Variants in NME6 observed in about 807,000 individuals in gnomAD.
NME6 encodes the protein NME/NM23 nucleoside diphosphate kinase 6, also known as nucleoside diphosphate kinase 6, mitochondrial.
A neutral mutation model predicts 22.2 loss-of-function variants in NME6; 16 were observed. That is an observed-to-expected ratio of 0.72 (90% CI 0.49 to 1.09). The LOEUF is 1.09. NME6 is among the 50% of genes least tolerant of loss of function. NME6 has a pLI of 0.00. For missense variants in NME6, 229 were observed against 239.0 expected (o/e 0.96, Z 0.28); for synonymous variants, 58 against 85.2 (o/e 0.68, Z 1.76).
chr3:48,301,036 G>C (rs2035641135), intron 1 of NME6, among the ~76,000 whole-genome samples: 1 of 152,016 alleles, frequency 6.6e-6, no homozygotes, highest in Admixed American at 6.5e-5. Flanking sequence ...GACAGAACCA[G>C]ACTCCGTCTC....
At chr3:48,287,878 GT>G (rs2034253934), downstream of NME6, among the ~76,000 whole-genome samples, 1 of 152,146 alleles carries the variant, frequency 6.6e-6, no homozygotes, top group African/African-American at 2.4e-5. Context: ...GGCTGTTTTT[GT>G]TACTTTCCTG....
At chr3:48,288,036 T>C (rs554394636), downstream of NME6, among the ~76,000 whole-genome samples, 1 of 152,240 alleles carries the variant, frequency 6.6e-6, no homozygotes, top group Admixed American at 6.5e-5. Context: ...GACAGGGATG[T>C]AGAAGGGACT....
chr3:48,295,624 CT>C, intron 4 of NME6: 1 of 242,652 alleles, frequency 4.1e-6, no homozygotes, highest in East Asian at 1.0e-4. Flanking sequence ...TCACTGCAAC[CT>C]CTGCTTCCTG....
chr3:48,297,555 C>G (rs2035245989), intron 2 of NME6: 1 of 152,270 alleles, frequency 6.6e-6, no homozygotes, highest in Non-Finnish European at 1.5e-5. Flanking sequence ...GAAAATGACC[C>G]CGAGCCCCAC....
chr3:48,291,270 T>C, downstream of NME6: 1 of 400,460 alleles, frequency 2.5e-6, no homozygotes, highest in Admixed American at 3.3e-5. Context: ...TGCTGGGATA[T>C]TTCTTTTCTT....
chr3:48,296,888 A>C, intron 2 of NME6, 59 bp from the exon 3 acceptor site: 3 of 1,318,078 alleles, frequency 2.3e-6, no homozygotes, highest in Non-Finnish European at 2.2e-6. Context: ...TGACCAAAAG[A>C]AACCATGAGG....
At position 48,294,723 on chromosome 3, in the gene NME6, G is replaced by A; in HGVS notation, c.475C>T (p.Pro159Ser). Residue 159 changes from proline (P) to serine (S), a missense_variant, in exon 6 of 6, where the codon CCC (proline) becomes TCC (serine). Physicochemically the swap from Pro to Ser is moderately conservative, Grantham distance 74 (BLOSUM62 -1). Coordinates refer to ENST00000442597, the MANE Select transcript of NME6 (RefSeq NM_001308426.2). ...CACACAGGGCCACAGCGCAACTGGGGCTCTTCCTCCTCATACCAGCGCTGT... is the reference window on the plus strand; with the variant it reads ...CACACAGGGCCACAGCGCAACTGGGACTCTTCCTCCTCATACCAGCGCTGT... Reference protein sequence around the residue: ...SEQRWYEEEEPQLRCGPVCYS... With the variant: ...SEQRWYEEEESQLRCGPVCYS... The A allele has an allele frequency of 6.2e-7, 1 of 1,614,138 alleles. No individual in the cohort carries two copies. Among genetic ancestry groups the A allele is most frequent in the Non-Finnish European group, 8.5e-7 (1 of 1,180,018 alleles).
At chr3:48,288,544 G>A (rs767449082), downstream of NME6, 4 of 152,140 alleles carry the variant, frequency 2.6e-5, no homozygotes, top group Non-Finnish European at 5.9e-5. Flanking sequence ...AATGAAATTT[G>A]TTTTCCCTTC....
At chr3:48,295,404 C>T in intron 4 of NME6, 169 bp from the exon 5 acceptor site, 3 of 718,042 alleles carry the variant, frequency 4.2e-6, no homozygotes, top group Admixed American at 2.9e-5. Context: ...TGCTGGTGTA[C>T]ATCAAGCCTG....
Position 48,296,129 on chromosome 3 carries a change from ACTC to A in NME6, c.220_222del (p.Glu74del). ...CCAAATTTGAAGTACCTGGCCATGAACTCCACCAGCCTCTGATAGAAAAAACGC... is the reference window on the plus strand; with the variant it reads ...CCAAATTTGAAGTACCTGGCCATGAACACCAGCCTCTGATAGAAAAAACGC... On this transcript the variant is annotated inframe_deletion, in exon 4 of 6. Transcript: ENST00000442597. 1 of 1,612,354 alleles carries A rather than the reference ACTC, an allele frequency of 6.2e-7. No homozygotes were observed. Among genetic ancestry groups the A allele is most frequent in the Non-Finnish European group, 8.5e-7 (1 of 1,178,430 alleles).
intron 1 of NME6, chr3:48,300,145 A>AAC (rs2035540313): frequency 7.0e-6 from 3 of 431,006 alleles, no homozygotes; most frequent in South Asian, 5.0e-5. Context: ...AGCCAAAGTG[A>AAC]ACCACACATG....
intron 1 of NME6, chr3:48,300,548 A>C: frequency 2.9e-6 from 1 of 347,294 alleles, no homozygotes; most frequent in South Asian, 2.2e-5. Context: ...CTGGCTCTTA[A>C]CAGTATCTGA....
Position 48,295,154 on chromosome 3 carries a change from GA to G in NME6, c.314del (p.Phe105SerfsTer73). On this transcript the variant is annotated frameshift_variant, in exon 5 of 6. Coordinates refer to ENST00000442597, the MANE Select transcript of NME6 (RefSeq NM_001308426.2). LOFTEE classifies it high-confidence loss of function. ...AATCTGGGGCCACATGGCGTGCTCG[GA>G]ACACTCTGGTGGGTCCCATGAGCGT... ...WRTLMGPTRV[F>X]RARHVAPDSI... is the part of the protein sequence containing the mutation. The G allele has an allele frequency of 6.2e-7, 1 of 1,614,188 alleles. No individual in the cohort carries two copies. Among genetic ancestry groups the G allele is most frequent in the South Asian group, 1.1e-5 (1 of 91,084 alleles).
chr3:48,294,375 C>T lies in NME6; in HGVS notation c.*262G>A, dbSNP rs1158212980. 5 of 358,622 alleles carry T rather than the reference C, an allele frequency of 1.4e-5. No individual in the cohort carries two copies. The highest frequency in any genetic ancestry group is 2.1e-5 in the Non-Finnish European group (4 of 191,732). 22.2% of individuals were successfully genotyped at this position (358,622 alleles called of 1,614,324 possible). ...GCGTGAGCCACCGTGCCCGGCCTGG[C>T]AAGCTTCTTCTTGAAGAAGGATGAA... On this transcript the variant is annotated 3_prime_UTR_variant, in exon 6 of 6. Coordinates refer to ENST00000442597, the MANE Select transcript of NME6 (RefSeq NM_001308426.2).
At position 48,298,671 on chromosome 3, in the gene NME6, A is replaced by G. The variant is rs1489900692; in HGVS notation, c.-7-148T>C. 4 of 618,258 alleles carry G rather than the reference A, an allele frequency of 6.5e-6. No homozygotes were observed. In the East Asian group the frequency reaches 1.1e-4, roughly 17 times the overall value. 38.3% of individuals were successfully genotyped at this position (618,258 alleles called of 1,614,324 possible). On this transcript the variant is annotated intron_variant, in intron 1 of 5. Transcript: ENST00000442597. ...ACAGTTTCATCTTAAGGCCATATAC[A>G]TTATTTTAATTGCCCATTTGGGCTC...
At chr3:48,300,945 G>A (rs1413682807) in intron 1 of NME6, among the ~76,000 whole-genome samples, 1 of 152,110 alleles carries the variant, frequency 6.6e-6, no homozygotes, top group Non-Finnish European at 1.5e-5. Context: ...CTACTAGGGA[G>A]GCTGAGGCAG....
chr3:48,295,962 C>T (rs1209080756), intron 4 of NME6, 157 bp downstream of exon 4: 3 of 657,416 alleles, frequency 4.6e-6, no homozygotes, highest in African/African-American at 3.6e-5. Context: ...AGTGATCCAC[C>T]CGCCTCAGCC....
At chr3:48,294,993 T>G in intron 5 of NME6, 82 bp downstream of exon 5, 1 of 1,518,214 alleles carries the variant, frequency 6.6e-7, no homozygotes, top group Non-Finnish European at 9.0e-7. Flanking sequence ...GAAAGCTCAC[T>G]GGAGGGACCT....
intron 2 of NME6, 124 bp from the exon 3 acceptor site, chr3:48,296,953 G>T: frequency 1.5e-6 from 1 of 667,550 alleles, no homozygotes; most frequent in Non-Finnish European, 2.6e-6. Context: ...GAGAAGACGA[G>T]GTGGGGTGAG....
Sources: allele counts gnomAD v4.1 joint callset (sites outside exome capture counted in the v4.1 genomes callset), GRCh38; gene constraint gnomAD v4.1.1; transcripts MANE v1.5; gene names NCBI Gene and HGNC (gene_info 2026-07-23, HGNC 2026-07-21).